The following HECW2 variants were observed in gnomAD, a reference collection of about 807,000 sequenced individuals.
HECW2 encodes the protein HECT, C2 and WW domain containing E3 ubiquitin protein ligase 2, also known as E3 ubiquitin-protein ligase HECW2.
In HECW2, 61 loss-of-function variants were observed where a neutral mutation model predicts 175.2. The observed-to-expected ratio is 0.35, with a 90% confidence interval of 0.28 to 0.43. The LOEUF (loss-of-function observed/expected upper bound fraction) is 0.43, where lower values mean the gene tolerates loss of function less well. Among genes scored for constraint, HECW2 ranks in the 20% least tolerant of loss-of-function variants. The pLI, the probability that HECW2 is intolerant of heterozygous loss-of-function variation, is 1.00. For synonymous variants in HECW2, 671 were observed against 731.0 expected (o/e 0.92, Z 1.32); for missense variants, 1,524 against 2,000.5 (o/e 0.76, Z 4.54).
chr2:196,395,703 G>GTTT lies in HECW2; in HGVS notation c.292+37426_292+37428dup, dbSNP rs3082114. On this transcript the variant is annotated intron_variant, in intron 2 of 28. Transcript: ENST00000644978. ...ACTGTGCACCCATTAGGATGACTATGTTTTTTTTTTTTAAAAAAAGAAAAT... is the reference window on the plus strand; with the variant it reads ...ACTGTGCACCCATTAGGATGACTATGTTTTTTTTTTTTTTTAAAAAAAGAAAAT... 1.7e-3 allele frequency among the ~76,000 whole-genome samples: 235 copies of GTTT among 138,582 alleles called. 2 individuals are homozygous for GTTT. The highest frequency in any genetic ancestry group is 2.0e-3 in the East Asian group (10 of 4,996). The allele number at this position is 138,582 out of a possible 152,430, so 90.9% of individuals were successfully genotyped here.
rs554728626 is a variant in HECW2, at chr2:196,221,348, T to C, written c.4147-407A>G. Among the ~76,000 whole-genome samples the C allele has an allele frequency of 3.7e-4, 57 of 152,342 alleles. 1 individual carries two copies. Among genetic ancestry groups the C allele is most frequent in the African/African-American group, 1.3e-3 (53 of 41,584 alleles). ...CAAGTGAATGTTAAATTGAGAACTT[T>C]TTCAAAACACATGGAATGCAGAAAA... On this transcript the variant is annotated intron_variant, in intron 24 of 28. Transcript: ENST00000644978.
intron 17 of HECW2, chr2:196,258,146 C>T (rs1267695097): frequency 2.0e-6 from 1 of 492,932 alleles, no homozygotes; most frequent in African/African-American, 1.9e-5. Flanking sequence ...GATTCTTTCA[C>T]TGGCTTCATC....
intron 2 of HECW2, among the ~76,000 whole-genome samples, chr2:196,402,194 C>G (rs1694838649): frequency 1.3e-5 from 1 of 75,848 alleles, no homozygotes; most frequent in African/African-American, 5.3e-5. Context: ...GAGTGAGACT[C>G]TGTCTCAAAA....
chr2:196,300,615 G>A (rs1161659881), intron 13 of HECW2, among the ~76,000 whole-genome samples: 1 of 152,116 alleles, frequency 6.6e-6, no homozygotes, highest in Non-Finnish European at 1.5e-5. Flanking sequence ...AGCATTCAGT[G>A]TCTCTTTTAC....
intron 1 of HECW2, among the ~76,000 whole-genome samples, chr2:196,579,813 A>G (rs1246872934): frequency 6.6e-6 from 1 of 152,198 alleles, no homozygotes; most frequent in Admixed American, 6.5e-5. Context: ...AGGAAAGCCT[A>G]TATGAGAACA....
At chr2:196,301,222 A>G (rs1575383269) in intron 13 of HECW2, among the ~76,000 whole-genome samples, 1 of 152,070 alleles carries the variant, frequency 6.6e-6, no homozygotes, top group Admixed American at 6.6e-5. Flanking sequence ...CCTTTTTATG[A>G]CTGCACAGTA....
intron 2 of HECW2, among the ~76,000 whole-genome samples, chr2:196,410,065 A>G (rs1034002804): frequency 6.6e-6 from 1 of 152,188 alleles, no homozygotes; most frequent in East Asian, 1.9e-4. Context: ...ACTCCTCAAA[A>G]TAAGTGCTCA....
intron 2 of HECW2, among the ~76,000 whole-genome samples, chr2:196,413,576 C>G (rs1695173670): frequency 6.6e-6 from 1 of 152,092 alleles, no homozygotes; most frequent in Admixed American, 6.5e-5. Flanking sequence ...AACTCCTGAC[C>G]TCAGCTGATA....
At chr2:196,217,725 T>C (rs1336318833) in intron 26 of HECW2, 3 of 152,232 alleles carry the variant, frequency 2.0e-5, no homozygotes, top group Non-Finnish European at 4.4e-5. Flanking sequence ...TCTTATTCCA[T>C]ACTTTAGTAG....
chr2:196,498,942 C>T lies in HECW2; in HGVS notation c.-35-65484G>A, dbSNP rs535961989. Among the ~76,000 whole-genome samples, 9 of 152,228 alleles carry T rather than the reference C, an allele frequency of 5.9e-5. No individual in the cohort carries two copies. In the South Asian group the frequency reaches 1.7e-3, roughly 28 times the overall value. On this transcript the variant is annotated intron_variant, in intron 1 of 28. Coordinates refer to ENST00000644978, the MANE Select transcript of HECW2 (RefSeq NM_001348768.2). ...GTGCCACCCAGACTGGTAACATGCA[C>T]CCAGAAACTGACTCAGCACAAGAAG...
intron 1 of HECW2, among the ~76,000 whole-genome samples, chr2:196,570,726 C>T (rs1312019559): frequency 6.6e-6 from 1 of 152,274 alleles, no homozygotes; most frequent in Non-Finnish European, 1.5e-5. Context: ...AAATTATTTG[C>T]TCACTTCTCA....
At chr2:196,284,484 T>C (rs1026977790) in intron 14 of HECW2, among the ~76,000 whole-genome samples, 2 of 152,228 alleles carry the variant, frequency 1.3e-5, no homozygotes, top group Admixed American at 6.5e-5. Flanking sequence ...TGGTGTGAGT[T>C]TTGGCTCTGC....
chr2:196,354,266 T>C (rs1693279727), intron 2 of HECW2, among the ~76,000 whole-genome samples: 1 of 152,230 alleles, frequency 6.6e-6, no homozygotes, highest in African/African-American at 2.4e-5. Flanking sequence ...TTCAGGGTTG[T>C]GGCCACCCCT....
chr2:196,506,758 A>T (rs1327409417), intron 1 of HECW2, among the ~76,000 whole-genome samples: 1 of 152,128 alleles, frequency 6.6e-6, no homozygotes, highest in African/African-American at 2.4e-5. Flanking sequence ...TAATTAAAAC[A>T]ACTGCATAAC....
chr2:196,437,813 C>T (rs961477773), intron 1 of HECW2, among the ~76,000 whole-genome samples: 1 of 151,832 alleles, frequency 6.6e-6, no homozygotes, highest in Non-Finnish European at 1.5e-5. Flanking sequence ...GAGAGAACTT[C>T]GAAGTCAAGG....
At chr2:196,499,388 G>A (rs775021216) in intron 1 of HECW2, among the ~76,000 whole-genome samples, 4 of 151,268 alleles carry the variant, frequency 2.6e-5, no homozygotes, top group African/African-American at 9.7e-5. Flanking sequence ...CCAGCATTAA[G>A]CATTCTTTTT....
intron 2 of HECW2, among the ~76,000 whole-genome samples, chr2:196,360,889 G>A (rs1693564118): frequency 6.6e-6 from 1 of 152,120 alleles, no homozygotes; most frequent in Non-Finnish European, 1.5e-5. Context: ...ACTAAACTGT[G>A]CTCAATGAGG....
chr2:196,431,893 C>A (rs1220729807), intron 2 of HECW2, among the ~76,000 whole-genome samples: 1 of 152,130 alleles, frequency 6.6e-6, no homozygotes, highest in East Asian at 1.9e-4. Context: ...GAATACAAAT[C>A]AAATGTTTTT....
chr2:196,464,219 T>C (rs1201453995), intron 1 of HECW2, among the ~76,000 whole-genome samples: 1 of 152,196 alleles, frequency 6.6e-6, no homozygotes, highest in Non-Finnish European at 1.5e-5. Context: ...CAGCTGTTAT[T>C]GCCTCATCTT....
Sources: allele counts gnomAD v4.1 joint callset (sites outside exome capture counted in the v4.1 genomes callset), GRCh38; gene constraint gnomAD v4.1.1; transcripts MANE v1.5; gene names NCBI Gene and HGNC (gene_info 2026-07-23, HGNC 2026-07-21).